Variants in CIT observed in about 807,000 individuals in gnomAD.
CIT encodes citron Rho-interacting kinase.
A neutral mutation model predicts 272.7 loss-of-function variants in CIT; 79 were observed. The observed-to-expected ratio is 0.29, with a 90% CI of 0.24 to 0.35. The LOEUF (loss-of-function observed/expected upper bound fraction) is 0.35, where lower values mean the gene tolerates loss of function less well. CIT is among the 10% of genes least tolerant of loss of function. The probability of loss-of-function intolerance (pLI) is 1.00; values close to 1 mark genes in which losing one functional copy is unlikely to be tolerated. For missense variants in CIT, 1,909 were observed against 2,618.3 expected, an observed-to-expected ratio of 0.73 and a Z score of 5.91; for synonymous variants, 948 against 995.6, an observed-to-expected ratio of 0.95 and a Z score of 0.90.
In CIT at chr12:119,770,656, C is replaced by A; in HGVS notation, c.2208+129G>T. ...CTCTACGATGTGGCATATGCTGAAA[C>A]CACCTCACTCAATTCATCTACTTGG... On this transcript the variant is annotated intron_variant, in intron 18 of 47. Transcript: ENST00000392521. This position sits in a 1 kb window ranked among gnomAD's most constrained non-coding sequence, Gnocchi z 4.4. 9.4e-7 allele frequency: 1 copy of A among 1,061,864 alleles called. No individual in the cohort carries two copies. The highest frequency in any genetic ancestry group is 1.4e-6 in the Non-Finnish European group (1 of 716,560). The allele number at this position is 1,061,864 out of a possible 1,614,324, so 65.8% of individuals were successfully genotyped here.
chr12:119,728,464 A>T lies in CIT; in HGVS notation c.3591+38T>A. 1 of 1,380,700 alleles carries T rather than the reference A, an allele frequency of 7.2e-7. No individual in the cohort carries two copies. The highest frequency in any genetic ancestry group is 1.0e-6 in the Non-Finnish European group (1 of 993,504). 85.5% of individuals were successfully genotyped at this position (1,380,700 alleles called of 1,614,324 possible). A position where few individuals can be genotyped will look rare whatever the true frequency, so the allele number is the denominator to read the frequency against. On this transcript the variant is annotated intron_variant, in intron 28 of 47. Transcript: ENST00000392521. This position sits in a 1 kb window ranked among gnomAD's most constrained non-coding sequence, Gnocchi z 4.3. ...AAGAAGCCTATTAAAAGAAAAAAAA[A>T]ATCCACTTGGCCCTTCTCCCAGGTA...
intron 13 of CIT, among the ~76,000 whole-genome samples, chr12:119,779,235 T>C (rs1593711115): frequency 6.6e-6 from 1 of 151,974 alleles, no homozygotes; most frequent in Non-Finnish European, 1.5e-5. Context: ...AATTAATTAA[T>C]TAATTAATTC....
intron 44 of CIT, among the ~76,000 whole-genome samples, chr12:119,698,360 CA>C (rs1412552649): frequency 2.0e-5 from 3 of 152,124 alleles, no homozygotes; most frequent in Non-Finnish European, 4.4e-5. Context: ...GAGGCCAAGG[CA>C]GGTGGATCAC....
rs754317218 is a variant in CIT, at chr12:119,710,507, G to C, written c.4935+33C>G. On this transcript the variant is annotated intron_variant, in intron 38 of 47. Transcript: ENST00000392521. The surrounding 1 kb of genome is among the most constrained non-coding windows in gnomAD (Gnocchi z 5.6). ...TCTTGATGGGGTGTGGCTGTAACCA[G>C]ACACCAGCTGGCCGTGCCCATGCAA... 4.1e-5 allele frequency: 66 copies of C among 1,613,146 alleles called. No homozygotes were observed. Among genetic ancestry groups the C allele is most frequent in the Non-Finnish European group, 5.3e-5 (62 of 1,179,206 alleles).
At chr12:119,691,939 G>A (rs1422753857) in intron 46 of CIT, among the ~76,000 whole-genome samples, 2 of 152,140 alleles carry the variant, frequency 1.3e-5, no homozygotes, top group Non-Finnish European at 2.9e-5. Flanking sequence ...GTTTGATTGA[G>A]GCTTTATCTT....
At chr12:119,862,421 T>C (rs1950367536) in intron 3 of CIT, among the ~76,000 whole-genome samples, 1 of 152,170 alleles carries the variant, frequency 6.6e-6, no homozygotes, top group African/African-American at 2.4e-5. Flanking sequence ...TTGAGGGATT[T>C]TTCTCTCACT....
intron 26 of CIT, among the ~76,000 whole-genome samples, chr12:119,732,217 G>GA (rs1007432204): frequency 3.3e-5 from 5 of 151,012 alleles, no homozygotes; most frequent in Admixed American, 2.0e-4. Flanking sequence ...ACAGAAAAAA[G>GA]AAAAAAAAGG....
At position 119,728,520 on chromosome 12, in the gene CIT, T is replaced by C. The variant is rs751863293; in HGVS notation, c.3573A>G (p.Lys1191=). 1.1e-5 allele frequency: 18 copies of C among 1,612,122 alleles called. No homozygotes were observed. The East Asian group carries it at 4.0e-4, about 36-fold the overall frequency. The change falls in exon 28 of 48, where the codon AAA becomes AAG. Residue 1191 remains lysine (K), a synonymous_variant. Coordinates refer to ENST00000392521, the MANE Select transcript of CIT (RefSeq NM_001206999.2). The surrounding 1 kb of genome is among the most constrained non-coding windows in gnomAD (Gnocchi z 4.3). The part of the protein sequence containing the change: ...QQKLETEREL[K]QRLLEEQAKL... ...CACTCACCTCTTCCAGAAGCCTCTGTTTGAGCTCTCGTTCAGTCTCCAGCT... is the reference window on the plus strand; with the variant it reads ...CACTCACCTCTTCCAGAAGCCTCTGCTTGAGCTCTCGTTCAGTCTCCAGCT...
chr12:119,711,816 ACTTT>A (rs1957174916), intron 37 of CIT, among the ~76,000 whole-genome samples: 1 of 150,574 alleles, frequency 6.6e-6, no homozygotes, highest in African/African-American at 2.5e-5. Context: ...CACCTGGCTA[ACTTT>A]CTTTCTTTCT....
rs755571936 is a variant in CIT, at chr12:119,713,177, A to G, written c.4579+26T>C. 3.2e-6 allele frequency: 5 copies of G among 1,587,084 alleles called. No individual in the cohort carries two copies. Among genetic ancestry groups the G allele is most frequent in the Non-Finnish European group, 4.3e-6 (5 of 1,156,704 alleles). ...AGACCTGGGTTAGCCACGTGCAATG[A>G]CCTTCCCCCTGAATTATTAATTTAC... On this transcript the variant is annotated intron_variant, in intron 35 of 47. Transcript: ENST00000392521. The surrounding 1 kb of genome is among the most constrained non-coding windows in gnomAD (Gnocchi z 5.2).
At chr12:119,757,227 C>T (rs1961109005) in intron 22 of CIT, 144 bp downstream of exon 22, 8 of 1,048,760 alleles carry the variant, frequency 7.6e-6, no homozygotes, top group Non-Finnish European at 1.1e-5. Context: ...TGCCTCCAGA[C>T]CCTTTTCTCC....
intron 10 of CIT, among the ~76,000 whole-genome samples, chr12:119,796,557 T>C (rs1413579956): frequency 2.0e-5 from 3 of 152,194 alleles, no homozygotes; most frequent in Non-Finnish European, 4.4e-5. Context: ...AGTGGCTTAC[T>C]GAGTGAGCGA....
chr12:119,797,772 G>A (rs1207642541), intron 10 of CIT, among the ~76,000 whole-genome samples: 1 of 152,216 alleles, frequency 6.6e-6, no homozygotes, highest in Non-Finnish European at 1.5e-5. Flanking sequence ...TTCATAAAAA[G>A]GAAACAGGAC....
chr12:119,828,448 C>G (rs58325508), intron 7 of CIT, among the ~76,000 whole-genome samples: 1 of 151,894 alleles, frequency 6.6e-6, no homozygotes. Flanking sequence ...CTTTCACTCT[C>G]CTCTGGTGGC....
intron 32 of CIT, among the ~76,000 whole-genome samples, chr12:119,714,819 C>A (rs571627695): frequency 6.6e-6 from 1 of 152,306 alleles, no homozygotes; most frequent in South Asian, 2.1e-4. Flanking sequence ...CCAGCAATTC[C>A]GCTCCTGGCT....
At position 119,784,489 on chromosome 12, in the gene CIT, G is replaced by T. The variant is rs1413204554; in HGVS notation, c.1402-438C>A. On this transcript the variant is annotated intron_variant, in intron 11 of 47. Coordinates refer to ENST00000392521, the MANE Select transcript of CIT (RefSeq NM_001206999.2). The surrounding 1 kb of genome is among the most constrained non-coding windows in gnomAD (Gnocchi z 4.7). Reference sequence around the variant, plus strand: ...TCGTCTGCACTCTTAGGAGTCCCAGGCAAGCAGTGACTTATTAGTTTCCAG... The same window carrying T: ...TCGTCTGCACTCTTAGGAGTCCCAGTCAAGCAGTGACTTATTAGTTTCCAG... 6 of 1,189,422 alleles carry T rather than the reference G, an allele frequency of 5.0e-6. No homozygotes were observed. The highest frequency in any genetic ancestry group is 6.3e-6 in the Non-Finnish European group (6 of 946,078). 73.7% of individuals were successfully genotyped at this position (1,189,422 alleles called of 1,614,324 possible). A position where few individuals can be genotyped will look rare whatever the true frequency, so the allele number is the denominator to read the frequency against.
At chr12:119,825,964 A>T (rs1274938907) in intron 7 of CIT, among the ~76,000 whole-genome samples, 1 of 152,176 alleles carries the variant, frequency 6.6e-6, no homozygotes, top group Non-Finnish European at 1.5e-5. Context: ...GCTACTCGGG[A>T]GGCTGAGGCA....
At chr12:119,855,055 T>C (rs577140840) in intron 4 of CIT, among the ~76,000 whole-genome samples, 1 of 152,100 alleles carries the variant, frequency 6.6e-6, no homozygotes, top group East Asian at 1.9e-4. Flanking sequence ...GCCCAGGAGT[T>C]TGAGGGTGCA....
intron 44 of CIT, 185 bp from the exon 45 acceptor site, chr12:119,698,239 T>C (rs941031190): frequency 9.5e-6 from 6 of 632,104 alleles, no homozygotes; most frequent in South Asian, 1.8e-5. Flanking sequence ...TGTGGTTTGT[T>C]ACAGCAGAAG....
Sources: gnomAD v4.1 joint callset for allele counts (sites outside exome capture counted in the v4.1 genomes callset) on GRCh38, gnomAD v4.1.1 for gene constraint, Gnocchi (gnomAD v3.1) non-coding constraint, MANE v1.5 for transcripts, NCBI Gene and HGNC (gene_info 2026-07-23, HGNC 2026-07-21) for gene names.